Variants in RPS6KA6 observed in about 807,000 individuals in gnomAD.
The protein encoded by RPS6KA6 is ribosomal protein S6 kinase alpha-6.
RPS6KA6 carries 27 observed loss-of-function variants against 65.4 expected under a neutral mutation model. The observed-to-expected ratio is 0.41, with a 90% CI of 0.30 to 0.57. RPS6KA6 has a LOEUF of 0.57. Among genes scored for constraint, RPS6KA6 ranks in the 20% least tolerant of loss-of-function variants. The probability of loss-of-function intolerance (pLI) is 0.24; values close to 1 mark genes in which losing one functional copy is unlikely to be tolerated. For synonymous variants in RPS6KA6, 190 were observed against 184.2 expected, an observed-to-expected ratio of 1.03 and a Z score of -0.26; for missense variants, 486 against 555.6, an observed-to-expected ratio of 0.87 and a Z score of 1.26.
chrX:84,092,513 T>C (rs1226347887), intron 20 of RPS6KA6, among the ~76,000 whole-genome samples: 1 of 109,110 alleles, frequency 9.2e-6, no homozygotes, highest in Non-Finnish European at 1.9e-5. Context: ...TGCCAGCTAC[T>C]CGGGAGGCTG....
Position 84,117,159 on chromosome X carries a change from G to A in RPS6KA6, c.861-11C>T. On this transcript the variant is annotated splice_polypyrimidine_tract_variant and intron_variant, in intron 10 of 21. Transcript: ENST00000262752. ...ATTCCAAGTTTTGCTCTGAAACAGA[G>A]GATTTTAGAAAGTTTCACTTAAATT... 1 of 1,134,422 alleles carries A rather than the reference G, an allele frequency of 8.8e-7. No individual in the cohort carries two copies. Among genetic ancestry groups the A allele is most frequent in the South Asian group, 2.0e-5 (1 of 50,652 alleles). 93.5% of individuals were successfully genotyped at this position (1,134,422 alleles called of 1,213,427 possible).
intron 20 of RPS6KA6, among the ~76,000 whole-genome samples, chrX:84,091,951 T>C (rs1047737503): frequency 1.8e-5 from 2 of 111,413 alleles, no homozygotes; most frequent in Non-Finnish European, 3.8e-5. Flanking sequence ...AAACACTCCA[T>C]GTTCTCACTC....
intron 8 of RPS6KA6, among the ~76,000 whole-genome samples, chrX:84,129,876 G>T (rs945254092): frequency 1.1e-4 from 12 of 110,836 alleles, no homozygotes; most frequent in Non-Finnish European, 2.3e-4. Context: ...AGGGGATGAG[G>T]GATGGATAAT....
intron 6 of RPS6KA6, among the ~76,000 whole-genome samples, chrX:84,142,420 C>G (rs980957626): frequency 9.0e-6 from 1 of 110,669 alleles, no homozygotes; most frequent in Non-Finnish European, 1.9e-5. Flanking sequence ...AAAGAAAGGC[C>G]TCAAATCAAT....
intron 1 of RPS6KA6, among the ~76,000 whole-genome samples, chrX:84,175,186 C>A (rs766924488): frequency 9.0e-6 from 1 of 111,222 alleles, no homozygotes; most frequent in East Asian, 2.8e-4. Flanking sequence ...CTTTGTATTT[C>A]ATATCTTGCA....
At chrX:84,152,200 G>A (rs1047033052) in intron 3 of RPS6KA6, among the ~76,000 whole-genome samples, 3 of 110,575 alleles carry the variant, frequency 2.7e-5, no homozygotes, top group African/African-American at 9.9e-5. Flanking sequence ...CACCTGATCT[G>A]TTTTTTCTTT....
intron 12 of RPS6KA6, among the ~76,000 whole-genome samples, chrX:84,108,486 T>C (rs1294981696): frequency 9.0e-6 from 1 of 111,374 alleles, no homozygotes; most frequent in African/African-American, 3.3e-5. Flanking sequence ...AGTGATGGAA[T>C]TGGGAATCAC....
intron 1 of RPS6KA6, among the ~76,000 whole-genome samples, chrX:84,179,173 A>G (rs1386801724): frequency 9.0e-6 from 1 of 111,370 alleles, no homozygotes; most frequent in Admixed American, 9.6e-5. Context: ...GCTTAGCAAC[A>G]TGTGTCATTA....
chrX:84,164,904 T>A (rs1473996095), intron 1 of RPS6KA6, among the ~76,000 whole-genome samples: 1 of 111,754 alleles, frequency 8.9e-6, no homozygotes, highest in Non-Finnish European at 1.9e-5. Flanking sequence ...CAAGTCAACA[T>A]GCAGAGCTCA....
chrX:84,181,375 G>A (rs987865968), intron 1 of RPS6KA6, among the ~76,000 whole-genome samples: 2 of 111,204 alleles, frequency 1.8e-5, no homozygotes, highest in Admixed American at 9.6e-5. Flanking sequence ...TAATGCTACT[G>A]GAAAAGCAAA....
chrX:84,132,572 G>T (rs1160992339), intron 8 of RPS6KA6, among the ~76,000 whole-genome samples: 1 of 110,053 alleles, frequency 9.1e-6, no homozygotes, highest in Non-Finnish European at 1.9e-5. Flanking sequence ...AAAGAGGCAA[G>T]TCATATTATA....
At chrX:84,088,847 C>T (rs1206285105) in intron 20 of RPS6KA6, among the ~76,000 whole-genome samples, 1 of 112,113 alleles carries the variant, frequency 8.9e-6, no homozygotes, top group African/African-American at 3.2e-5. Context: ...CATAGGGAGG[C>T]CCCGCCCAGT....
At chrX:84,149,745 AGT>A (rs2035266179) in intron 3 of RPS6KA6, among the ~76,000 whole-genome samples, 1 of 111,651 alleles carries the variant, frequency 9.0e-6, no homozygotes, top group African/African-American at 3.3e-5. Flanking sequence ...GCATAGGCAT[AGT>A]AGATTTAACA....
At chrX:84,138,000 ATATT>A (rs2035024407) in intron 6 of RPS6KA6, among the ~76,000 whole-genome samples, 1 of 111,862 alleles carries the variant, frequency 8.9e-6, no homozygotes, top group Non-Finnish European at 1.9e-5. Flanking sequence ...GGTCAACAAA[ATATT>A]TAGCTGCATT....
intron 1 of RPS6KA6, among the ~76,000 whole-genome samples, chrX:84,176,021 T>C (rs1289653027): frequency 1.8e-5 from 2 of 112,274 alleles, no homozygotes; most frequent in Admixed American, 9.5e-5. Context: ...ACTACTGAGT[T>C]ACTACTGAGT....
chrX:84,089,208 C>T (rs910241612), intron 20 of RPS6KA6, among the ~76,000 whole-genome samples: 1 of 112,232 alleles, frequency 8.9e-6, no homozygotes, highest in African/African-American at 3.2e-5. Context: ...GACTCCTCCT[C>T]GTCTGGACTG....
intron 6 of RPS6KA6, among the ~76,000 whole-genome samples, chrX:84,135,778 T>C (rs934574032): frequency 9.0e-6 from 1 of 111,466 alleles, no homozygotes; most frequent in African/African-American, 3.3e-5. Flanking sequence ...AACTCATCTC[T>C]GACCTAAGGG....
intron 12 of RPS6KA6, among the ~76,000 whole-genome samples, chrX:84,108,124 G>C (rs1221159585): frequency 8.9e-6 from 1 of 111,835 alleles, no homozygotes; most frequent in African/African-American, 3.2e-5. Context: ...TAAATGTACT[G>C]TTTAGGCTTG....
chrX:84,096,273 T>A lies in RPS6KA6; in HGVS notation c.1892A>T (p.Glu631Val). ...PFANGPNDTP[E>V]EILLRIGNGK... ...ATTGCCTATACGCAGCAGTATCTCT[T>A]CAGGAGTATCATTGGGGCCATTAGC... The change falls in exon 20 of 22, where the codon GAA becomes GTA. Residue 631 changes from glutamate to valine, a missense_variant. By Grantham distance (121) the Glu-to-Val change is moderately radical (BLOSUM62 -2). This residue lies in a region of RPS6KA6 where 345 missense variants were observed against 375.0 expected (regional missense o/e 0.92). Transcript: ENST00000262752. 1 of 1,183,064 alleles carries A rather than the reference T, an allele frequency of 8.5e-7. No homozygotes were observed. Among genetic ancestry groups the A allele is most frequent in the Non-Finnish European group, 1.1e-6 (1 of 877,538 alleles).
Sources: gnomAD v4.1 joint callset for allele counts (sites outside exome capture counted in the v4.1 genomes callset) on GRCh38, gnomAD v4.1.1 for gene constraint, gnomAD v4.1.1 regional missense constraint, MANE v1.5 for transcripts, NCBI Gene and HGNC (gene_info 2026-07-23, HGNC 2026-07-21) for gene names.